RNF212B: variants seen among roughly 807,000 people sequenced by gnomAD.
The protein encoded by RNF212B is ring finger protein 212B, also known as E3 ubiquitin-protein ligase RNF212B.
A neutral mutation model predicts 55.5 loss-of-function variants in RNF212B; 52 were observed. That is an observed-to-expected ratio of 0.94 (90% CI 0.75 to 1.18). The LOEUF (loss-of-function observed/expected upper bound fraction) is 1.18, where lower values mean the gene tolerates loss of function less well. Ranked by LOEUF, RNF212B falls within the 50% of genes most tolerant of loss-of-function variation. The pLI, the probability that RNF212B is intolerant of heterozygous loss-of-function variation, is 0.00. For missense variants in RNF212B, 289 were observed against 350.4 expected (o/e 0.82, Z 1.40); for synonymous variants, 99 against 121.4 (o/e 0.82, Z 1.21).
intron 2 of RNF212B, among the ~76,000 whole-genome samples, chr14:23,210,184 G>A (rs941222878): frequency 2.0e-5 from 3 of 152,052 alleles, no homozygotes; most frequent in Admixed American, 6.6e-5. Context: ...ATACCCCTAT[G>A]ACTAAGTTGA....
At chr14:23,236,961 C>CT (rs1462199563), upstream of RNF212B, among the ~76,000 whole-genome samples, 700 of 138,000 alleles carry the variant, frequency 5.1e-3, 14 homozygotes, top group East Asian at 0.016. Context: ...CTGTCTCTCT[C>CT]TTTTTTTTTT....
intron 1 of RNF212B, among the ~76,000 whole-genome samples, chr14:23,189,303 T>A (rs958029375): frequency 1.3e-5 from 2 of 152,178 alleles, no homozygotes; most frequent in Non-Finnish European, 2.9e-5. Context: ...TCTCCCCACA[T>A]CCTCTGCCTT....
chr14:23,261,680 G>C (rs141730603), intron 7 of RNF212B, among the ~76,000 whole-genome samples: 1 of 152,032 alleles, frequency 6.6e-6, no homozygotes, highest in Admixed American at 6.6e-5. Context: ...TTTTAGTATC[G>C]GCTGGGTGTG....
chr14:23,262,643 C>A, intron 7 of RNF212B, 22 bp from the exon 8 acceptor site: 1 of 1,544,678 alleles, frequency 6.5e-7, no homozygotes, highest in Non-Finnish European at 8.7e-7. Flanking sequence ...ATTAGAGCCG[C>A]CTCTTTTTTT....
intron 11 of RNF212B, among the ~76,000 whole-genome samples, chr14:23,265,890 T>C (rs1885657584): frequency 6.6e-6 from 1 of 152,372 alleles, no homozygotes. Context: ...TTTCCAGTCA[T>C]AAATTTCACT....
chr14:23,186,170 A>G (rs1268405314), intron 1 of RNF212B, among the ~76,000 whole-genome samples: 1 of 152,160 alleles, frequency 6.6e-6, no homozygotes, highest in Non-Finnish European at 1.5e-5. Context: ...CAAAGGGAGC[A>G]TTATTTATAT....
chr14:23,216,879 CAAAAA>C (rs59923716), intron 2 of RNF212B, among the ~76,000 whole-genome samples: 2 of 48,770 alleles, frequency 4.1e-5, no homozygotes, highest in Admixed American at 3.8e-4. Context: ...GACCCTGTCT[CAAAAA>C]AAAAAAAAAA....
In RNF212B at chr14:23,266,402, A is replaced by ATG. The variant is rs1566441114; in HGVS notation, c.634+1733_634+1734dup. On this transcript the variant is annotated intron_variant, in intron 11 of 14. Transcript: ENST00000430154. ...CTTTCAGTGATTTAAATCCTTTTAA[A>ATG]TGTTTTTTTTTTTTTTTTTTTTTTT... 1.9e-4 allele frequency among the ~76,000 whole-genome samples: 15 copies of ATG among 77,970 alleles called. No individual in the cohort carries two copies. In the East Asian group the frequency reaches 4.2e-3, roughly 22 times the overall value. The allele number at this position is 77,970 out of a possible 152,430, so 51.2% of individuals were successfully genotyped here. A position where few individuals can be genotyped will look rare whatever the true frequency, so the allele number is the denominator to read the frequency against.
intron 2 of RNF212B, among the ~76,000 whole-genome samples, chr14:23,227,172 T>C (rs2140414250): frequency 6.6e-6 from 1 of 152,204 alleles, no homozygotes; most frequent in African/African-American, 2.4e-5. Context: ...CTTTCTACAC[T>C]ACTTTTGGCA....
Position 23,244,378 on chromosome 14 carries a change from T to C in RNF212B, c.210T>C (p.Tyr70=), listed in dbSNP as rs1883842897. 6.5e-7 allele frequency: 1 copy of C among 1,542,888 alleles called. No individual in the cohort carries two copies. The highest frequency in any genetic ancestry group is 8.7e-7 in the Non-Finnish European group (1 of 1,143,094). ...GTCCTGTGGAGACAGCTTTGCAGTATTTTAGTCACATCTCTCAGGTATGAG... is the reference window on the plus strand; with the variant it reads ...GTCCTGTGGAGACAGCTTTGCAGTACTTTAGTCACATCTCTCAGGTATGAG... The part of the protein sequence containing the change: ...FKSPVETALQ[Y]FSHISQVWSF... The change falls in exon 4 of 15, where the codon TAT becomes TAC. Residue 70 remains tyrosine (Y), a synonymous_variant. Coordinates refer to ENST00000430154, the MANE Select transcript of RNF212B (RefSeq NM_001282322.3).
intron 2 of RNF212B, among the ~76,000 whole-genome samples, chr14:23,203,714 G>A (rs933997290): frequency 6.6e-6 from 1 of 151,886 alleles, no homozygotes; most frequent in African/African-American, 2.4e-5. Flanking sequence ...CTGACCTCAT[G>A]TGATCCACCT....
intron 11 of RNF212B, among the ~76,000 whole-genome samples, chr14:23,267,783 TG>T (rs1157941721): frequency 2.0e-5 from 3 of 152,230 alleles, no homozygotes; most frequent in African/African-American, 4.8e-5. Flanking sequence ...GCCACTCTTT[TG>T]TTCCTTGTTT....
chr14:23,246,970 G>A (rs992300805), intron 4 of RNF212B, among the ~76,000 whole-genome samples: 10 of 151,864 alleles, frequency 6.6e-5, no homozygotes, highest in Admixed American at 2.0e-4. Context: ...GAGAAACCCC[G>A]TCTCTACTAA....
intron 13 of RNF212B, 136 bp downstream of exon 13, chr14:23,270,096 T>C: frequency 1.6e-6 from 1 of 624,804 alleles, no homozygotes; most frequent in East Asian, 2.7e-5. Context: ...CTTAATATTC[T>C]TTAAGAGCCA....
intron 4 of RNF212B, among the ~76,000 whole-genome samples, chr14:23,254,437 T>C (rs1243318999): frequency 6.6e-6 from 1 of 152,050 alleles, no homozygotes; most frequent in African/African-American, 2.4e-5. Flanking sequence ...TTGGGCAACA[T>C]AGCAGGACCC....
chr14:23,265,721 G>T (rs566443208), intron 11 of RNF212B, among the ~76,000 whole-genome samples: 1 of 152,106 alleles, frequency 6.6e-6, no homozygotes, highest in Non-Finnish European at 1.5e-5. Context: ...CAAAGAATTC[G>T]TTTTGTTGAG....
rs1362278617 is a variant in RNF212B, at chr14:23,268,972, C to T, written c.674+9C>T. On this transcript the variant is annotated intron_variant, in intron 12 of 14. Transcript: ENST00000430154. The stretch of plus-strand genomic sequence containing the variant: ...CATAGCCTATCTTATAGGTCAGTAA[C>T]ACTATGCTTCCTTTTTCTTGGGATG... 1.2e-5 allele frequency: 19 copies of T among 1,547,662 alleles called. No individual in the cohort carries two copies. The highest frequency in any genetic ancestry group is 2.7e-5 in the African/African-American group (2 of 72,968).
At chr14:23,195,544 A>G (rs1300646604) in intron 2 of RNF212B, among the ~76,000 whole-genome samples, 1 of 152,102 alleles carries the variant, frequency 6.6e-6, no homozygotes, top group African/African-American at 2.4e-5. Context: ...TCTATTCAGT[A>G]ATTCAATTTA....
At chr14:23,244,101 C>A (rs1395020207) in intron 3 of RNF212B, among the ~76,000 whole-genome samples, 1 of 151,682 alleles carries the variant, frequency 6.6e-6, no homozygotes, top group Non-Finnish European at 1.5e-5. Context: ...AAAGTATAAA[C>A]AACAGATGGA....
Sources: allele counts gnomAD v4.1 joint callset (sites outside exome capture counted in the v4.1 genomes callset), GRCh38; gene constraint gnomAD v4.1.1; transcripts MANE v1.5; gene names NCBI Gene and HGNC (gene_info 2026-07-23, HGNC 2026-07-21).